The following SLC12A7 variants were observed in gnomAD, a reference collection of about 807,000 sequenced individuals.
SLC12A7 encodes K-Cl cotransporter 4.
SLC12A7 carries 100 observed loss-of-function variants against 120.6 expected under a neutral mutation model. That is an observed-to-expected ratio of 0.83 (90% CI 0.71 to 0.98). The LOEUF (loss-of-function observed/expected upper bound fraction) is 0.98, where lower values mean the gene tolerates loss of function less well. Among genes scored for constraint, SLC12A7 ranks in the 50% least tolerant of loss-of-function variants. The pLI, the probability that SLC12A7 is intolerant of heterozygous loss-of-function variation, is 0.00. For synonymous variants in SLC12A7, 760 were observed against 678.0 expected (o/e 1.12, Z -1.88); for missense variants, 1,373 against 1,548.1 (o/e 0.89, Z 1.90).
intron 14 of SLC12A7, 195 bp downstream of exon 14, chr5:1,075,943 G>A (rs761093217): frequency 3.8e-5 from 22 of 573,138 alleles, no homozygotes; most frequent in Non-Finnish European, 5.9e-5. Flanking sequence ...CATCAGCTGC[G>A]CAGGGGCTTA....
At chr5:1,110,686 G>C (rs955319099) in intron 1 of SLC12A7, among the ~76,000 whole-genome samples, 1 of 152,248 alleles carries the variant, frequency 6.6e-6, no homozygotes, top group Non-Finnish European at 1.5e-5. Flanking sequence ...GGTGACTGGA[G>C]AGAAGGGGCT....
the SLC12A7 span, among the ~76,000 whole-genome samples, chr5:1,134,488 C>T: frequency 1.3e-5 from 2 of 151,720 alleles, no homozygotes; most frequent in Non-Finnish European, 2.9e-5. Flanking sequence ...AAAATTTGAA[C>T]ACCCATGAAG....
At chr5:1,116,942 A>T (rs1288900356), upstream of SLC12A7, among the ~76,000 whole-genome samples, 1 of 152,194 alleles carries the variant, frequency 6.6e-6, no homozygotes, top group Non-Finnish European at 1.5e-5. Context: ...AGCCCTTCAG[A>T]AATGGAAGCA....
chr5:1,111,432 G>A lies in SLC12A7; in HGVS notation c.124+436C>T, dbSNP rs1302512185. On this transcript the variant is annotated intron_variant, in intron 1 of 23. Coordinates refer to ENST00000264930, the MANE Select transcript of SLC12A7 (RefSeq NM_006598.3). Reference sequence around the variant, plus strand: ...GCGGGGGCAGGACGGGCCGGCCCGGGCTAGTGTTACCGGACGGCCGCGGCG... The same window carrying A: ...GCGGGGGCAGGACGGGCCGGCCCGGACTAGTGTTACCGGACGGCCGCGGCG... Among the ~76,000 whole-genome samples, 5 of 152,264 alleles carry A rather than the reference G, an allele frequency of 3.3e-5. No individual in the cohort carries two copies. The East Asian group carries it at 9.7e-4, about 30-fold the overall frequency.
intron 18 of SLC12A7, 65 bp from the exon 19 acceptor site, chr5:1,064,317 G>T: frequency 6.5e-7 from 1 of 1,544,322 alleles, no homozygotes; most frequent in South Asian, 1.2e-5. Context: ...CCTCCCCGGG[G>T]ACTCACAGCC....
the SLC12A7 span, among the ~76,000 whole-genome samples, chr5:1,150,316 C>T: frequency 1.7e-4 from 25 of 150,562 alleles, no homozygotes; most frequent in African/African-American, 4.9e-4. Flanking sequence ...ATGCAGGAGC[C>T]GACATCCATG....
chr5:1,055,467 T>A (rs1182808695), intron 22 of SLC12A7, among the ~76,000 whole-genome samples: 1 of 151,916 alleles, frequency 6.6e-6, no homozygotes, highest in African/African-American at 2.4e-5. Context: ...CCAGAAGAGG[T>A]CAGGGCCGAC....
intron 1 of SLC12A7, among the ~76,000 whole-genome samples, chr5:1,107,914 G>A (rs1742653290): frequency 6.6e-6 from 1 of 152,158 alleles, no homozygotes; most frequent in Non-Finnish European, 1.5e-5. Flanking sequence ...ACCACTCACT[G>A]ATGGGCCTAG....
chr5:1,091,870 C>T (rs1385357417), intron 3 of SLC12A7, among the ~76,000 whole-genome samples: 2 of 152,242 alleles, frequency 1.3e-5, no homozygotes, highest in South Asian at 2.1e-4. Context: ...AATTCCGCAG[C>T]GTCCACGTGC....
At chr5:1,060,195 G>C (rs1210996993) in intron 21 of SLC12A7, 149 bp downstream of exon 21, 1 of 637,822 alleles carries the variant, frequency 1.6e-6, no homozygotes, top group Non-Finnish European at 2.8e-6. Context: ...CCACCTCCAC[G>C]CAGGCTGGGG....
At chr5:1,060,029 G>A (rs1003164549) in intron 21 of SLC12A7, among the ~76,000 whole-genome samples, 4 of 152,220 alleles carry the variant, frequency 2.6e-5, no homozygotes, top group African/African-American at 9.6e-5. Flanking sequence ...ACGCTGCTCG[G>A]TTAGAAAAGC....
intron 17 of SLC12A7, among the ~76,000 whole-genome samples, chr5:1,068,069 C>T (rs568124980): frequency 7.2e-5 from 11 of 152,356 alleles, no homozygotes; most frequent in East Asian, 1.9e-4. Flanking sequence ...AGCACAAGGG[C>T]GCGCATGAGC....
chr5:1,065,722 G>A (rs1736982514), intron 17 of SLC12A7, among the ~76,000 whole-genome samples: 2 of 152,148 alleles, frequency 1.3e-5, no homozygotes, highest in Admixed American at 6.5e-5. Context: ...TGCAGGGGAT[G>A]TGGAGGGCTG....
chr5:1,121,956 C>T, the SLC12A7 span, among the ~76,000 whole-genome samples: 16,118 of 152,224 alleles, frequency 0.11, 883 homozygotes, highest in South Asian at 0.17. Context: ...CTGCTTCATG[C>T]CAGGCACACA....
chr5:1,133,348 C>T, the SLC12A7 span, among the ~76,000 whole-genome samples: 3 of 152,290 alleles, frequency 2.0e-5, no homozygotes, highest in South Asian at 6.2e-4. Flanking sequence ...GATCTTCAGA[C>T]CCCAGCTTGA....
In SLC12A7 at chr5:1,083,925, G is replaced by A. The variant is rs773447053; in HGVS notation, c.949C>T (p.Arg317Trp). ...VCLLGNRTLS[R>W]RSFDACVKAY... ...TTGACGCAGGCATCGAAGCTGCGCC[G>A]TGACAGCGTGCGGTTCCCCAGGAGG... The change falls in exon 8 of 24, where the codon CGG (arginine) becomes TGG (tryptophan). Residue 317 changes from arginine to tryptophan, a missense_variant. By Grantham distance (101) the Arg-to-Trp change is moderately radical. Transcript: ENST00000264930. 11 of 1,605,166 alleles carry A rather than the reference G, an allele frequency of 6.9e-6. No individual in the cohort carries two copies. The highest frequency in any genetic ancestry group is 6.7e-5 in the Admixed American group (4 of 59,928).
chr5:1,074,163 C>A (rs143785560), intron 16 of SLC12A7, among the ~76,000 whole-genome samples: 1 of 152,080 alleles, frequency 6.6e-6, no homozygotes. Context: ...AAGCCCCCAC[C>A]GAGGCCCTGA....
chr5:1,107,941 G>A (rs1406338121), intron 1 of SLC12A7, among the ~76,000 whole-genome samples: 1 of 152,056 alleles, frequency 6.6e-6, no homozygotes, highest in African/African-American at 2.4e-5. Context: ...GGGAGGGAAC[G>A]GATACCCAAC....
chr5:1,153,645 A>C, the SLC12A7 span, among the ~76,000 whole-genome samples: 30 of 152,180 alleles, frequency 2.0e-4, no homozygotes, highest in African/African-American at 7.2e-4. Flanking sequence ...TTGTCAAACC[A>C]TTTCCCCCGG....
Sources: allele counts gnomAD v4.1 joint callset (sites outside exome capture counted in the v4.1 genomes callset), GRCh38; gene constraint gnomAD v4.1.1; transcripts MANE v1.5; gene names NCBI Gene and HGNC (gene_info 2026-07-23, HGNC 2026-07-21).